Variants in EIF4E2 observed in about 807,000 individuals in gnomAD.
The protein encoded by EIF4E2 is eukaryotic translation initiation factor 4E type 2.
In EIF4E2, 13 loss-of-function variants were observed where a neutral mutation model predicts 34.2. That is an observed-to-expected ratio of 0.38 (90% CI 0.25 to 0.60). EIF4E2 has a LOEUF of 0.60. Ranked by LOEUF, EIF4E2 falls within the 20% of genes least tolerant of loss-of-function variation. The pLI, the probability that EIF4E2 is intolerant of heterozygous loss-of-function variation, is 0.62. For synonymous variants in EIF4E2, 100 were observed against 106.6 expected (o/e 0.94, Z 0.38); for missense variants, 222 against 315.1 (o/e 0.70, Z 2.24).
intron 6 of EIF4E2, chr2:232,568,005 C>G (rs1390608743): frequency 1.0e-6 from 1 of 976,858 alleles, no homozygotes; most frequent in East Asian, 1.1e-4. Flanking sequence ...TGACAAGTGT[C>G]TTTGCAACTT....
At chr2:232,562,105 C>A (rs1692745654) in intron 3 of EIF4E2, among the ~76,000 whole-genome samples, 1 of 152,014 alleles carries the variant, frequency 6.6e-6, no homozygotes, top group Admixed American at 6.6e-5. Flanking sequence ...GTCCCAGCTA[C>A]TCAGGAGGCT....
chr2:232,561,724 A>G (rs910379131), intron 3 of EIF4E2, among the ~76,000 whole-genome samples: 1 of 152,198 alleles, frequency 6.6e-6, no homozygotes, highest in African/African-American at 2.4e-5. Flanking sequence ...AGAGCACTAG[A>G]CTTGGTAATC....
At chr2:232,571,039 T>G (rs1574674735), downstream of EIF4E2, among the ~76,000 whole-genome samples, 1 of 152,336 alleles carries the variant, frequency 6.6e-6, no homozygotes, top group South Asian at 2.1e-4. Flanking sequence ...GGGGAGTTTT[T>G]TAAGAGTAGC....
Position 232,581,272 on chromosome 2 carries a change from G to C in EIF4E2, c.*329G>C, listed in dbSNP as rs368189086. On this transcript the variant is annotated 3_prime_UTR_variant, in exon 7 of 7. Transcript: ENST00000409098. The surrounding 1 kb of genome is among the most constrained non-coding windows in gnomAD (Gnocchi z 5.2). ...CTGTTGTTCTCTTCCCGTGTTGTAC[G>C]AAGGGTACCGTGGCCACGTGTACAT... The C allele has an allele frequency of 4.6e-6, 2 of 437,392 alleles. No individual in the cohort carries two copies. The highest frequency in any genetic ancestry group is 4.0e-5 in the African/African-American group (2 of 49,926). The allele number at this position is 437,392 out of a possible 1,614,324, so 27.1% of individuals were successfully genotyped here.
chr2:232,562,651 T>G (rs943673842), intron 3 of EIF4E2, among the ~76,000 whole-genome samples: 1 of 152,150 alleles, frequency 6.6e-6, no homozygotes, highest in African/African-American at 2.4e-5. Flanking sequence ...GACCAAACTG[T>G]TAAAGCGATT....
At chr2:232,555,597 C>G (rs145633808) in intron 1 of EIF4E2, among the ~76,000 whole-genome samples, 48 of 152,244 alleles carry the variant, frequency 3.2e-4, no homozygotes, top group African/African-American at 1.1e-3. Flanking sequence ...ACATCTTGCC[C>G]TGGGTGCTGG....
intron 6 of EIF4E2, among the ~76,000 whole-genome samples, chr2:232,577,260 A>G (rs563236244): frequency 2.3e-4 from 35 of 152,220 alleles, no homozygotes; most frequent in Admixed American, 9.8e-4. Flanking sequence ...TGTACAGCTA[A>G]TGGCCAAAGA....
At chr2:232,556,613 C>T in intron 2 of EIF4E2, 83 bp downstream of exon 2, 1 of 994,694 alleles carries the variant, frequency 1.0e-6, no homozygotes, top group Non-Finnish European at 1.5e-6. Context: ...TGGAAGATAC[C>T]AGATTAACTT....
intron 1 of EIF4E2, 185 bp downstream of exon 1, chr2:232,550,929 G>A (rs1433510921): frequency 6.0e-6 from 4 of 662,968 alleles, no homozygotes; most frequent in Non-Finnish European, 1.0e-5. Context: ...CCGGAGTCCC[G>A]GAGACCCCAG....
chr2:232,566,550 G>C lies in EIF4E2; in HGVS notation c.376-279G>C, dbSNP rs570537371. Among the ~76,000 whole-genome samples the C allele has an allele frequency of 6.6e-6, 1 of 152,126 alleles. No individual in the cohort carries two copies. The highest frequency in any genetic ancestry group is 2.1e-4 in the South Asian group (1 of 4,832). ...TGTGCTTGAAATATGACATCATTTC[G>C]TTTTGATTCCTAAAGTATTTCCAGT... On this transcript the variant is annotated intron_variant, in intron 4 of 6. Transcript: ENST00000258416. This position sits in a 1 kb window ranked among gnomAD's most constrained non-coding sequence, Gnocchi z 4.9.
intron 6 of EIF4E2, among the ~76,000 whole-genome samples, chr2:232,579,844 A>G (rs955538210): frequency 1.3e-5 from 2 of 152,096 alleles, no homozygotes; most frequent in Admixed American, 6.6e-5. Flanking sequence ...AAGAGAAATA[A>G]TGACTCCAGA....
intron 6 of EIF4E2, among the ~76,000 whole-genome samples, chr2:232,578,586 G>C (rs1229796652): frequency 6.6e-6 from 1 of 151,022 alleles, no homozygotes; most frequent in Non-Finnish European, 1.5e-5. Context: ...AGCTGAGATT[G>C]TGCCACTGCA....
Position 232,550,739 on chromosome 2 carries a change from C to A in EIF4E2, c.15C>A (p.Phe5Leu). 6.3e-7 allele frequency: 1 copy of A among 1,584,982 alleles called. No homozygotes were observed. The highest frequency in any genetic ancestry group is 1.1e-5 in the South Asian group (1 of 87,570). The change falls in exon 1 of 7, where the codon TTC becomes TTA. Residue 5 changes from phenylalanine to leucine, a missense_variant. By Grantham distance (22) the Phe-to-Leu change is conservative (BLOSUM62 0). This residue lies in a region of EIF4E2 where 87 missense variants were observed against 93.6 expected (regional missense o/e 0.93). Transcript: ENST00000258416. MNNKFDALKDDDSGD... is the reference protein window; with the variant it reads MNNKLDALKDDDSGD... ...GCGGCGAGAGGATGAACAACAAGTTCGACGCGTGAGTGGCTCGTGGCCGCC... is the reference window on the plus strand; with the variant it reads ...GCGGCGAGAGGATGAACAACAAGTTAGACGCGTGAGTGGCTCGTGGCCGCC...
intron 1 of EIF4E2, among the ~76,000 whole-genome samples, chr2:232,553,283 G>T (rs1365812443): frequency 2.0e-5 from 3 of 151,474 alleles, no homozygotes; most frequent in African/African-American, 7.3e-5. Flanking sequence ...CTACACAACT[G>T]TACTTGATTT....
chr2:232,552,684 C>CT (rs34854862), intron 1 of EIF4E2, among the ~76,000 whole-genome samples: 3 of 151,940 alleles, frequency 2.0e-5, no homozygotes, highest in East Asian at 1.9e-4. Context: ...AACTTGCCCT[C>CT]TTTTTTTTTC....
At chr2:232,557,072 C>A (rs939611168) in intron 2 of EIF4E2, among the ~76,000 whole-genome samples, 5 of 152,126 alleles carry the variant, frequency 3.3e-5, no homozygotes, top group Non-Finnish European at 4.4e-5. Context: ...TGGTAAAACC[C>A]CATCTCTACT....
chr2:232,567,003 C>A (rs1258287023), intron 5 of EIF4E2, 22 bp downstream of exon 5: 1 of 1,589,988 alleles, frequency 6.3e-7, no homozygotes, highest in Non-Finnish European at 8.6e-7. Context: ...ATGAGCCAGG[C>A]TGGTTTCTTG....
rs1473202730 is a variant in EIF4E2, at chr2:232,561,935, CCAGGCA to C, written c.271-2308_271-2303del. On this transcript the variant is annotated intron_variant, in intron 3 of 6. Transcript: ENST00000258416. ...TTAAAGTTTAATAATATTTCTCAGG[CCAGGCA>C]CAGTAGCTAATGCCTGTAGTCCCAG... Among the ~76,000 whole-genome samples, 85 of 152,148 alleles carry C rather than the reference CCAGGCA, an allele frequency of 5.6e-4. 1 individual carries two copies. Among genetic ancestry groups the C allele is most frequent in the Admixed American group, 3.3e-3 (51 of 15,280 alleles).
rs367709636 is a variant in EIF4E2 at position 232,581,053 on chromosome 2, C to T, written c.*110C>T. On this transcript the variant is annotated 3_prime_UTR_variant, in exon 7 of 7. Transcript: ENST00000409098. The surrounding 1 kb of genome is among the most constrained non-coding windows in gnomAD (Gnocchi z 5.2). Reference sequence around the variant, plus strand: ...GCTCACTGAAGGGACGTCCCTGAGCCGTGCGCTCTCCTTTTGCACTCATTC... The same window carrying T: ...GCTCACTGAAGGGACGTCCCTGAGCTGTGCGCTCTCCTTTTGCACTCATTC... The T allele has an allele frequency of 3.5e-5, 37 of 1,071,668 alleles. No individual in the cohort carries two copies. The highest frequency in any genetic ancestry group is 1.3e-4 in the African/African-American group (8 of 63,616). 66.4% of individuals were successfully genotyped at this position (1,071,668 alleles called of 1,614,324 possible).
Sources: allele counts gnomAD v4.1 joint callset (sites outside exome capture counted in the v4.1 genomes callset), GRCh38; gene constraint gnomAD v4.1.1; regional missense constraint gnomAD v4.1.1; non-coding constraint Gnocchi (gnomAD v3.1); transcripts MANE v1.5; gene names NCBI Gene and HGNC (gene_info 2026-07-23, HGNC 2026-07-21).